Variants in CAST observed in about 807,000 individuals in gnomAD.
CAST encodes MIR583 host.
In CAST, 76 loss-of-function variants were observed where a neutral mutation model predicts 119.6. The ratio of observed to expected loss-of-function variants is 0.64; its 90% CI spans 0.53 to 0.77. CAST has a LOEUF of 0.77. Among genes scored for constraint, CAST ranks in the 30% least tolerant of loss-of-function variants. The pLI, the probability that CAST is intolerant of heterozygous loss-of-function variation, is 0.00. For synonymous variants in CAST, 319 were observed against 331.6 expected (o/e 0.96, Z 0.41); for missense variants, 953 against 946.5 (o/e 1.01, Z -0.09).
the CAST span, among the ~76,000 whole-genome samples, chr5:96,227,377 C>A: frequency 6.6e-6 from 1 of 152,142 alleles, no homozygotes; most frequent in East Asian, 1.9e-4. Context: ...TTTAGTACAG[C>A]ATAAACTCAG....
chr5:96,023,279 T>G, the CAST span, among the ~76,000 whole-genome samples: 1 of 152,210 alleles, frequency 6.6e-6, no homozygotes, highest in African/African-American at 2.4e-5. Context: ...TCTAGATGAT[T>G]TTATGATGGC....
At chr5:96,235,739 G>T in the CAST span, among the ~76,000 whole-genome samples, 1 of 152,072 alleles carries the variant, frequency 6.6e-6, no homozygotes, top group African/African-American at 2.4e-5. Context: ...TCCCTCTGGG[G>T]GAAGAAAATT....
chr5:96,039,448 C>T, the CAST span, among the ~76,000 whole-genome samples: 1 of 152,096 alleles, frequency 6.6e-6, no homozygotes, highest in African/African-American at 2.4e-5. Context: ...AGTCTTTGCC[C>T]ATGCCTATGT....
chr5:96,576,341 AGTTTT>A (rs949839739), intron 1 of CAST, among the ~76,000 whole-genome samples: 68 of 151,782 alleles, frequency 4.5e-4, no homozygotes, highest in Middle Eastern at 6.8e-3. Context: ...CTAGATCTAA[AGTTTT>A]GTTTTGTTTT....
chr5:96,148,207 T>C, the CAST span, among the ~76,000 whole-genome samples: 1 of 152,212 alleles, frequency 6.6e-6, no homozygotes, highest in African/African-American at 2.4e-5. Context: ...CTCAGCAGGT[T>C]TGAGGCAAAT....
the CAST span, among the ~76,000 whole-genome samples, chr5:96,199,218 T>C: frequency 1.3e-5 from 2 of 152,162 alleles, no homozygotes; most frequent in Admixed American, 1.3e-4. Context: ...AGAAGATGGA[T>C]ATATCTCATC....
chr5:96,601,020 C>T (rs965461256), intron 1 of CAST, among the ~76,000 whole-genome samples: 11 of 152,078 alleles, frequency 7.2e-5, no homozygotes, highest in African/African-American at 2.7e-4. Context: ...TCCCATCTCC[C>T]CCTCCGCTAT....
chr5:96,757,761 A>G (rs886425523), intron 24 of CAST, 107 bp downstream of exon 24: 68 of 707,114 alleles, frequency 9.6e-5, no homozygotes, highest in Non-Finnish European at 1.5e-4. Flanking sequence ...TGCCATCTTC[A>G]GTCACCGCAA....
chr5:96,490,990 G>A, the CAST span, among the ~76,000 whole-genome samples: 1 of 152,010 alleles, frequency 6.6e-6, no homozygotes, highest in Non-Finnish European at 1.5e-5. Context: ...CTGACAAATG[G>A]CTCATATTTT....
At chr5:96,504,196 C>A in the CAST span, among the ~76,000 whole-genome samples, 1 of 152,196 alleles carries the variant, frequency 6.6e-6, no homozygotes, top group African/African-American at 2.4e-5. Flanking sequence ...TGCTGCCAGT[C>A]CTACCTTATC....
chr5:96,068,283 T>A, the CAST span, among the ~76,000 whole-genome samples: 1 of 152,114 alleles, frequency 6.6e-6, no homozygotes, highest in African/African-American at 2.4e-5. Context: ...ACCTCTGGCC[T>A]TATATATTAT....
chr5:96,748,667 A>G (rs1411338756), intron 19 of CAST, 54 bp downstream of exon 19: 3 of 865,962 alleles, frequency 3.5e-6, no homozygotes, highest in Non-Finnish European at 5.8e-6. Flanking sequence ...TCTTAAAAAA[A>G]AATTGTGAGA....
At chr5:96,135,939 T>C in the CAST span, among the ~76,000 whole-genome samples, 1 of 152,068 alleles carries the variant, frequency 6.6e-6, no homozygotes, top group Non-Finnish European at 1.5e-5. Context: ...CACACACCTG[T>C]AGTCCCAGCT....
chr5:96,706,585 A>G (rs1755023722), intron 3 of CAST, among the ~76,000 whole-genome samples: 1 of 152,250 alleles, frequency 6.6e-6, no homozygotes. Context: ...CAACAGCTGC[A>G]GATCCTAATG....
chr5:96,316,551 C>T, the CAST span, among the ~76,000 whole-genome samples: 1 of 152,150 alleles, frequency 6.6e-6, no homozygotes, highest in Non-Finnish European at 1.5e-5. Context: ...AGATAAAGCC[C>T]TGCTTAAATG....
chr5:96,251,503 A>G, the CAST span, among the ~76,000 whole-genome samples: 1 of 152,162 alleles, frequency 6.6e-6, no homozygotes, highest in African/African-American at 2.4e-5. Context: ...CCTCCCCTAC[A>G]TAGCTATTTA....
the CAST span, among the ~76,000 whole-genome samples, chr5:96,003,097 AG>A: frequency 1.3e-5 from 2 of 152,114 alleles, no homozygotes; most frequent in African/African-American, 4.8e-5. Context: ...TAAGTTAGCC[AG>A]GCATGGTGGC....
the CAST span, among the ~76,000 whole-genome samples, chr5:96,137,954 TA>T: frequency 6.6e-6 from 1 of 152,036 alleles, no homozygotes; most frequent in African/African-American, 2.4e-5. Context: ...TTCATTTTCG[TA>T]ACAGTGTCTT....
the CAST span, among the ~76,000 whole-genome samples, chr5:96,326,097 A>G: frequency 6.6e-6 from 1 of 151,810 alleles, no homozygotes; most frequent in African/African-American, 2.4e-5. Context: ...ACTTTTCCCC[A>G]CCCCCTATTA....
Sources: gnomAD v4.1 joint callset for allele counts (sites outside exome capture counted in the v4.1 genomes callset) on GRCh38, gnomAD v4.1.1 for gene constraint, MANE v1.5 for transcripts, NCBI Gene and HGNC (gene_info 2026-07-23, HGNC 2026-07-21) for gene names.